Variants in DPH6 observed in about 807,000 individuals in gnomAD.
DPH6 encodes the protein diphthamine biosynthesis 6.
In DPH6, 33 loss-of-function variants were observed where a neutral mutation model predicts 38.2. That is an observed-to-expected ratio of 0.86 (90% CI 0.65 to 1.15). The LOEUF (loss-of-function observed/expected upper bound fraction) is 1.15. DPH6 is among the 50% of genes most tolerant of loss of function. The pLI, the probability that DPH6 is intolerant of heterozygous loss-of-function variation, is 0.00. For synonymous variants in DPH6, 108 were observed against 103.0 expected (o/e 1.05, Z -0.30); for missense variants, 325 against 320.0 (o/e 1.02, Z -0.12).
intron 3 of DPH6, among the ~76,000 whole-genome samples, chr15:35,304,644 C>G (rs372388705): frequency 1.3e-5 from 2 of 151,942 alleles, no homozygotes; most frequent in African/African-American, 4.8e-5. Context: ...TATTCTAATC[C>G]TGTTTATACC....
intron 3 of DPH6, among the ~76,000 whole-genome samples, chr15:35,263,322 C>T (rs2051761086): frequency 6.6e-6 from 1 of 151,148 alleles, no homozygotes. Context: ...CATAGTTCCT[C>T]TGAACTCATA....
chr15:35,541,015 C>T lies in DPH6; in HGVS notation c.118+1398G>A, dbSNP rs984388138. ...AGATTCTGCTTCTTCTTTTATAATA[C>T]AGAAGTTAGAGTGCAGTTCCTATTC... On this transcript the variant is annotated intron_variant, in intron 2 of 8. Transcript: ENST00000256538. 3.3e-5 allele frequency among the ~76,000 whole-genome samples: 5 copies of T among 152,056 alleles called. No homozygotes were observed. The East Asian group carries it at 5.8e-4, about 18-fold the overall frequency.
chr15:35,332,992 T>C (rs2052338902), intron 3 of DPH6, among the ~76,000 whole-genome samples: 3 of 151,958 alleles, frequency 2.0e-5, no homozygotes, highest in African/African-American at 7.3e-5. Context: ...CTCATACAGT[T>C]CACTTCAAAT....
intron 3 of DPH6, among the ~76,000 whole-genome samples, chr15:35,259,569 C>T (rs1229979183): frequency 2.6e-5 from 4 of 152,102 alleles, no homozygotes; most frequent in East Asian, 3.8e-4. Flanking sequence ...GAAATAGTGA[C>T]GACACTGAAA....
At chr15:35,438,176 GT>G (rs1010630309) in intron 5 of DPH6, among the ~76,000 whole-genome samples, 1 of 152,098 alleles carries the variant, frequency 6.6e-6, no homozygotes, top group African/African-American at 2.4e-5. Context: ...TCTGGAAAAA[GT>G]TTTTTTCTCA....
chr15:35,381,846 G>C lies in DPH6; in HGVS notation c.638C>G (p.Pro213Arg), dbSNP rs765558502. ...CACAATTATTTTCTTCTTAAATAGA[G>C]GGCAATCCAAAGTGAAAGTTTCATA... ...GEYETFTLDC[P>R]LFKKKIIVDS... The change falls in exon 7 of 9, where the codon CCT becomes CGT. Residue 213 changes from proline (P) to arginine (R), a missense_variant. Physicochemically the swap from Pro to Arg is moderately radical, Grantham distance 103. Coordinates refer to ENST00000256538, the MANE Select transcript of DPH6 (RefSeq NM_080650.4). 45 of 1,612,636 alleles carry C rather than the reference G, an allele frequency of 2.8e-5. 1 individual carries two copies. The highest frequency in any genetic ancestry group is 3.6e-5 in the Non-Finnish European group (43 of 1,178,958).
At chr15:35,232,906 C>T (rs752917875) in intron 3 of DPH6, among the ~76,000 whole-genome samples, 3 of 152,126 alleles carry the variant, frequency 2.0e-5, no homozygotes, top group Non-Finnish European at 2.9e-5. Flanking sequence ...TGTTCAACTG[C>T]AGAAATGCTT....
chr15:35,171,657 T>C, the DPH6 span, among the ~76,000 whole-genome samples: 1 of 152,024 alleles, frequency 6.6e-6, no homozygotes, highest in East Asian at 1.9e-4. Flanking sequence ...TGGGTATATA[T>C]AAGTTGAGTA....
chr15:35,490,860 T>C (rs2054466962), intron 3 of DPH6, among the ~76,000 whole-genome samples: 1 of 152,104 alleles, frequency 6.6e-6, no homozygotes, highest in Non-Finnish European at 1.5e-5. Context: ...CAGAAGTTTA[T>C]TCAGCTCAAG....
At chr15:35,477,893 A>G (rs1186365407) in intron 3 of DPH6, among the ~76,000 whole-genome samples, 1 of 151,928 alleles carries the variant, frequency 6.6e-6, no homozygotes, top group Non-Finnish European at 1.5e-5. Flanking sequence ...AAAAGTTAGC[A>G]GTAAATTACC....
At chr15:35,542,967 A>ATATATATATAT (rs1566946762) in intron 1 of DPH6, among the ~76,000 whole-genome samples, 1 of 15,582 alleles carries the variant, frequency 6.4e-5, no homozygotes, top group African/African-American at 1.8e-4. Flanking sequence ...TATATATATA[A>ATATATATATAT]AATAATTTCA....
intron 5 of DPH6, among the ~76,000 whole-genome samples, chr15:35,424,145 T>C (rs2053540339): frequency 6.6e-6 from 1 of 151,690 alleles, no homozygotes; most frequent in Non-Finnish European, 1.5e-5. Flanking sequence ...TGTAGATCAC[T>C]TGGGGTAATA....
At chr15:35,401,933 A>C (rs1473141091) in intron 6 of DPH6, among the ~76,000 whole-genome samples, 1 of 152,188 alleles carries the variant, frequency 6.6e-6, no homozygotes, top group African/African-American at 2.4e-5. Flanking sequence ...TATGGGCAAA[A>C]GACTCAAGGA....
At position 35,371,660 on chromosome 15, in the gene DPH6, C is replaced by T; in HGVS notation, c.*490G>A. On this transcript the variant is annotated 3_prime_UTR_variant, in exon 9 of 9. Transcript: ENST00000256538. ...CTAATTGTCCAATAACGTTGAAACA[C>T]TTCAACCATGAATATATTTAAAATA... is the stretch of plus-strand genomic sequence containing the variant. 1.0e-6 allele frequency: 1 copy of T among 985,304 alleles called. No homozygotes were observed. Among genetic ancestry groups the T allele is most frequent in the Non-Finnish European group, 1.2e-6 (1 of 829,894 alleles). 61.0% of individuals were successfully genotyped at this position (985,304 alleles called of 1,614,324 possible). A position where few individuals can be genotyped will look rare whatever the true frequency, so the allele number is the denominator to read the frequency against.
intron 5 of DPH6, among the ~76,000 whole-genome samples, chr15:35,413,758 T>G (rs372399465): frequency 6.6e-6 from 1 of 151,764 alleles, no homozygotes; most frequent in South Asian, 2.1e-4. Context: ...AATCATTTTA[T>G]ATTATATGGC....
intron 3 of DPH6, among the ~76,000 whole-genome samples, chr15:35,249,545 A>G (rs2140407953): frequency 6.6e-6 from 1 of 152,312 alleles, no homozygotes; most frequent in South Asian, 2.1e-4. Context: ...GGTGGAATGA[A>G]TGATTATTAC....
intron 3 of DPH6, among the ~76,000 whole-genome samples, chr15:35,309,721 T>G (rs1459527924): frequency 6.6e-6 from 1 of 152,232 alleles, no homozygotes; most frequent in Non-Finnish European, 1.5e-5. Flanking sequence ...ACTAATTCAT[T>G]AAGTTGTTTA....
At chr15:35,313,720 G>T (rs989032254) in intron 3 of DPH6, among the ~76,000 whole-genome samples, 2 of 151,838 alleles carry the variant, frequency 1.3e-5, no homozygotes, top group East Asian at 1.9e-4. Context: ...ACATTATTTT[G>T]GTGGCATCTT....
intron 3 of DPH6, among the ~76,000 whole-genome samples, chr15:35,248,114 G>A (rs1422129565): frequency 6.6e-6 from 1 of 152,128 alleles, no homozygotes; most frequent in Non-Finnish European, 1.5e-5. Context: ...TTTTGTTGAG[G>A]CTCAGAAAAT....
Sources: gnomAD v4.1 joint callset for allele counts (sites outside exome capture counted in the v4.1 genomes callset) on GRCh38, gnomAD v4.1.1 for gene constraint, MANE v1.5 for transcripts, NCBI Gene and HGNC (gene_info 2026-07-23, HGNC 2026-07-21) for gene names.